The following HDAC5 variants were observed in gnomAD, a reference collection of about 807,000 sequenced individuals.
HDAC5 encodes antigen NY-CO-9.
In HDAC5, 25 loss-of-function variants were observed where a neutral mutation model predicts 133.3. The ratio of observed to expected loss-of-function variants is 0.19; its 90% CI spans 0.14 to 0.26. The LOEUF (loss-of-function observed/expected upper bound fraction) is 0.26. Ranked by LOEUF, HDAC5 falls within the 10% of genes least tolerant of loss-of-function variation. The pLI is 1.00. For synonymous variants in HDAC5, 589 were observed against 610.8 expected (o/e 0.96, Z 0.53); for missense variants, 1,041 against 1,460.5 (o/e 0.71, Z 4.68).
At chr17:44,120,010 A>C (rs560860486) in intron 1 of HDAC5, 4 of 152,606 alleles carry the variant, frequency 2.6e-5, no homozygotes, top group Admixed American at 2.6e-4. Context: ...TCCGGGATCC[A>C]AAACCACCTC....
intron 3 of HDAC5, among the ~76,000 whole-genome samples, chr17:44,102,129 G>A (rs1243101629): frequency 6.6e-6 from 1 of 152,226 alleles, no homozygotes; most frequent in Non-Finnish European, 1.5e-5. Flanking sequence ...AGGCTGTGTA[G>A]GTGGCATATT....
chr17:44,089,931 CAA>C (rs386386141), intron 11 of HDAC5, among the ~76,000 whole-genome samples: 3 of 86,596 alleles, frequency 3.5e-5, no homozygotes, highest in Non-Finnish European at 6.3e-5. Context: ...GATTCTGTCT[CAA>C]AAAAAAAAAA....
intron 16 of HDAC5, among the ~76,000 whole-genome samples, chr17:44,084,080 G>A (rs536168454): frequency 5.3e-5 from 8 of 151,272 alleles, no homozygotes; most frequent in African/African-American, 1.2e-4. Flanking sequence ...AGCTGAGATC[G>A]CACCACTGTA....
At chr17:44,087,328 G>T (rs73308513) in intron 13 of HDAC5, 84 bp downstream of exon 13, 7 of 688,520 alleles carry the variant, frequency 1.0e-5, no homozygotes, top group Non-Finnish European at 1.9e-5. Flanking sequence ...GCAGATGGGG[G>T]AGAGGGAAAG....
chr17:44,078,098 CTCCAAGGAGGAAAAGGACAGA>C lies in HDAC5; in HGVS notation c.*257_*277del. The C allele has an allele frequency of 2.8e-6, 1 of 351,310 alleles. No individual in the cohort carries two copies. The highest frequency in any genetic ancestry group is 5.1e-6 in the Non-Finnish European group (1 of 194,666). 21.8% of individuals were successfully genotyped at this position (351,310 alleles called of 1,614,324 possible). Reference sequence around the variant, plus strand: ...CGTGCCCACCTTGAGCTGGCCCAGGCTCCAAGGAGGAAAAGGACAGACAGAATGCAGGAAAATGGGGGGAGG... The same window carrying C: ...CGTGCCCACCTTGAGCTGGCCCAGGCCAGAATGCAGGAAAATGGGGGGAGG... On this transcript the variant is annotated 3_prime_UTR_variant, in exon 27 of 27. Transcript: ENST00000682912.
intron 3 of HDAC5, among the ~76,000 whole-genome samples, chr17:44,096,281 G>C (rs190072003): frequency 6.6e-6 from 1 of 152,000 alleles, no homozygotes; most frequent in Admixed American, 6.5e-5. Flanking sequence ...GCCCAGGGAG[G>C]TCACGAGGGG....
intron 3 of HDAC5, among the ~76,000 whole-genome samples, chr17:44,109,415 G>GT (rs1313166371): frequency 6.6e-6 from 1 of 152,280 alleles, no homozygotes; most frequent in East Asian, 1.9e-4. Context: ...GACTACGTGG[G>GT]TATCTTGTAG....
chr17:44,106,462 T>C (rs887371631), intron 3 of HDAC5, among the ~76,000 whole-genome samples: 1 of 152,178 alleles, frequency 6.6e-6, no homozygotes. Flanking sequence ...ATATTGCACA[T>C]GGGCTCTCGT....
intron 2 of HDAC5, among the ~76,000 whole-genome samples, chr17:44,113,764 G>C (rs556856742): frequency 2.0e-5 from 3 of 152,298 alleles, no homozygotes; most frequent in Admixed American, 6.5e-5. Context: ...CCTAACCCTG[G>C]CTCCAGGTTC....
intron 13 of HDAC5, 109 bp from the exon 14 acceptor site, chr17:44,086,846 A>G (rs2050674877): frequency 1.3e-6 from 1 of 793,920 alleles, no homozygotes; most frequent in Non-Finnish European, 1.7e-6. Context: ...TTTTCTTCCA[A>G]GTCTCCTTCC....
chr17:44,078,217 A>G lies in HDAC5; in HGVS notation c.*159T>C, dbSNP rs920158309. 4 of 658,122 alleles carry G rather than the reference A, an allele frequency of 6.1e-6. No individual in the cohort carries two copies. The highest frequency in any genetic ancestry group is 9.6e-6 in the Non-Finnish European group (4 of 417,042). 40.8% of individuals were successfully genotyped at this position (658,122 alleles called of 1,614,324 possible). On this transcript the variant is annotated 3_prime_UTR_variant, in exon 27 of 27. Transcript: ENST00000682912. ...AGCAGGCTTCTAGAGCTGAGGTGGA[A>G]GCCACAGGGCTGGGGGCCTGAGGCA...
At chr17:44,082,466 C>A (rs879214282) in intron 20 of HDAC5, 119 bp downstream of exon 20, 1 of 765,136 alleles carries the variant, frequency 1.3e-6, no homozygotes, top group Admixed American at 2.3e-5. Flanking sequence ...ACACCCAGCA[C>A]CCGAGGATGA....
rs1389741019 is a variant in HDAC5, at chr17:44,087,502, C to T, written c.1794G>A (p.Glu598=). The change falls in exon 13 of 27, where the codon GAG becomes GAA. Residue 598 remains glutamate (E), a synonymous_variant. Coordinates refer to ENST00000682912, the MANE Select transcript of HDAC5 (RefSeq NM_005474.5). ...CGTCCTTAACCTGGATGCAATCCTC[C>T]TCCTCCTCCCCATCGTCTTCCTCGT... ...EEDEEDDGEE[E]EDCIQVKDEE... 1.9e-6 allele frequency: 3 copies of T among 1,596,792 alleles called. No homozygotes were observed. The highest frequency in any genetic ancestry group is 2.6e-6 in the Non-Finnish European group (3 of 1,164,376).
rs138005262 is a variant in HDAC5 at position 44,078,524 on chromosome 17, G to A, written c.3305C>T (p.Ala1102Val). The A allele has an allele frequency of 8.6e-4, 1,388 of 1,610,580 alleles. 13 individuals are homozygous for A. The Admixed American group carries it at 0.018, about 21-fold the overall frequency. Residue 1102 changes from alanine to valine, a missense_variant, in exon 26 of 27, where the codon GCG (alanine) becomes GTG (valine). Ala to Val is a moderately conservative substitution (Grantham distance 64). Coordinates refer to ENST00000682912, the MANE Select transcript of HDAC5 (RefSeq NM_005474.5). Reference protein sequence around the residue: ...LSVGAEQAQAAAAREHSPRPA... With the variant: ...LSVGAEQAQAVAAREHSPRPA... ...CCTGGGGCTGTGTTCCCGGGCTGCC[G>A]CAGCCTGGGCCTGCTCGGCCCCCAC... is the stretch of plus-strand genomic sequence containing the variant.
chr17:44,093,229 C>T, intron 5 of HDAC5, 23 bp from the exon 6 acceptor site: 1 of 1,595,778 alleles, frequency 6.3e-7, no homozygotes, highest in Non-Finnish European at 8.6e-7. Flanking sequence ...GCACAACTGA[C>T]CTGGCTGCTT....
rs2050664990 is a variant in HDAC5 at position 44,086,673 on chromosome 17, G to C, written c.1949C>G (p.Thr650Ser). 6 of 1,300,654 alleles carry C rather than the reference G, an allele frequency of 4.6e-6. No individual in the cohort carries two copies. Among genetic ancestry groups the C allele is most frequent in the Non-Finnish European group, 5.9e-6 (6 of 1,016,950 alleles). 80.6% of individuals were successfully genotyped at this position (1,300,654 alleles called of 1,614,324 possible). The part of the protein sequence containing the change: ...QVYQAPLSLA[T>S]VPHQALGRTQ... ...ACGGCCCAGGGCCTGGTGGGGCACA[G>C]TGGCCAGGCTGAGGGGCGCCTGGTA... is the stretch of plus-strand genomic sequence containing the variant. Residue 650 changes from threonine to serine, a missense_variant, in exon 14 of 27, where the codon ACT becomes AGT. By Grantham distance (58) the Thr-to-Ser change is moderately conservative (BLOSUM62 1). Coordinates refer to ENST00000682912, the MANE Select transcript of HDAC5 (RefSeq NM_005474.5).
At chr17:44,081,022 G>T in intron 20 of HDAC5, 140 bp from the exon 21 acceptor site, 2 of 1,104,738 alleles carry the variant, frequency 1.8e-6, no homozygotes, top group South Asian at 2.9e-5. Context: ...GATCGCTTGA[G>T]CCCAGGACTC....
rs1293449706 is a variant in HDAC5 at position 44,084,567 on chromosome 17, T to G, written c.2293A>C (p.Lys765Gln). The G allele has an allele frequency of 5.6e-6, 9 of 1,613,964 alleles. No homozygotes were observed. The East Asian group carries it at 6.7e-5, about 12-fold the overall frequency. ...TGTGCCAGCTCACCGAGCAACTTCT[T>G]GCTGTCTAGCTTCTGCCGGTTGAGG... ...SPLNRQKLDS[K>Q]KLLGPISQKM... Residue 765 changes from lysine (K) to glutamine (Q), a missense_variant, in exon 16 of 27, where the codon AAG (lysine) becomes CAG (glutamine). Transcript: ENST00000682912.
chr17:44,087,827 G>A (rs1277199431), intron 12 of HDAC5, 131 bp from the exon 13 acceptor site: 14 of 1,169,714 alleles, frequency 1.2e-5, no homozygotes, highest in Non-Finnish European at 1.6e-5. Context: ...AGAAAAAGGT[G>A]AGGTAGCTCC....
Sources: gnomAD v4.1 joint callset for allele counts (sites outside exome capture counted in the v4.1 genomes callset) on GRCh38, gnomAD v4.1.1 for gene constraint, MANE v1.5 for transcripts, NCBI Gene and HGNC (gene_info 2026-07-23, HGNC 2026-07-21) for gene names.